ANO10: variants seen among roughly 807,000 people sequenced by gnomAD.
The protein encoded by ANO10 is anoctamin 10, also known as anoctamin-10.
In ANO10, 77 loss-of-function variants were observed where a neutral mutation model predicts 74.7. The ratio of observed to expected loss-of-function variants is 1.03; its 90% CI spans 0.86 to 1.25. The LOEUF (loss-of-function observed/expected upper bound fraction) is 1.25. Ranked by LOEUF, ANO10 falls within the 50% of genes most tolerant of loss-of-function variation. ANO10 has a pLI of 0.00. For synonymous variants in ANO10, 279 were observed against 284.9 expected (o/e 0.98, Z 0.21); for missense variants, 721 against 778.1 (o/e 0.93, Z 0.87).
chr3:43,377,973 T>C (rs1218116819), intron 12 of ANO10, among the ~76,000 whole-genome samples: 1 of 152,200 alleles, frequency 6.6e-6, no homozygotes, highest in Admixed American at 6.5e-5. Context: ...GGTAATCCAG[T>C]GTCCAGCCTC....
chr3:43,499,002 T>G (rs1461669648), intron 11 of ANO10, among the ~76,000 whole-genome samples: 2 of 152,114 alleles, frequency 1.3e-5, no homozygotes, highest in East Asian at 3.9e-4. Context: ...CCTGAGGTGG[T>G]GGTGAGTACT....
intron 12 of ANO10, among the ~76,000 whole-genome samples, chr3:43,382,308 A>C (rs574343747): frequency 1.3e-5 from 2 of 152,256 alleles, no homozygotes; most frequent in African/African-American, 4.8e-5. Flanking sequence ...TCACGAGGTC[A>C]GGAGATCGAG....
intron 12 of ANO10, among the ~76,000 whole-genome samples, chr3:43,376,346 G>A (rs1011921641): frequency 1.3e-5 from 2 of 152,188 alleles, no homozygotes; most frequent in Non-Finnish European, 2.9e-5. Flanking sequence ...AGTGGGCTGG[G>A]GGTGTCCTGG....
intron 12 of ANO10, among the ~76,000 whole-genome samples, chr3:43,390,927 T>C (rs1426931827): frequency 6.6e-6 from 1 of 152,236 alleles, no homozygotes; most frequent in African/African-American, 2.4e-5. Context: ...TTAGTAGGTC[T>C]GGGGAGGAGT....
chr3:43,371,221 T>C (rs1209854643), intron 12 of ANO10, among the ~76,000 whole-genome samples: 1 of 152,114 alleles, frequency 6.6e-6, no homozygotes, highest in East Asian at 1.9e-4. Context: ...AGCCCTTGGC[T>C]GAAGGATAGA....
intron 1 of ANO10, among the ~76,000 whole-genome samples, chr3:43,654,876 G>A (rs1310983300): frequency 6.6e-6 from 1 of 152,162 alleles, no homozygotes; most frequent in Non-Finnish European, 1.5e-5. Context: ...TGTACCTTAT[G>A]TTTATATGTT....
chr3:43,602,186 T>C (rs1403716774), intron 2 of ANO10, among the ~76,000 whole-genome samples: 1 of 152,168 alleles, frequency 6.6e-6, no homozygotes, highest in East Asian at 1.9e-4. Context: ...CCCTCCTCCT[T>C]CTTTCCACAA....
At chr3:43,537,508 G>C (rs549609426) in intron 11 of ANO10, among the ~76,000 whole-genome samples, 1 of 151,774 alleles carries the variant, frequency 6.6e-6, no homozygotes, top group Non-Finnish European at 1.5e-5. Flanking sequence ...TGACAGCTTG[G>C]GGGCAACCAT....
At chr3:43,651,609 C>A (rs1157432473) in intron 1 of ANO10, among the ~76,000 whole-genome samples, 1 of 152,166 alleles carries the variant, frequency 6.6e-6, no homozygotes, top group Admixed American at 6.5e-5. Flanking sequence ...TCCTTAAGAG[C>A]AGAATTTTTC....
chr3:43,605,638 T>C, intron 2 of ANO10, 76 bp downstream of exon 2: 12 of 1,521,682 alleles, frequency 7.9e-6, no homozygotes, highest in Non-Finnish European at 1.1e-5. Flanking sequence ...TTTTAGTGAC[T>C]GAGCATACAG....
At chr3:43,593,256 G>A (rs901133043) in intron 4 of ANO10, among the ~76,000 whole-genome samples, 1 of 152,120 alleles carries the variant, frequency 6.6e-6, no homozygotes, top group East Asian at 1.9e-4. Flanking sequence ...GAAATACAGA[G>A]AACGCCACAA....
chr3:43,674,889 G>A (rs1224436419), intron 1 of ANO10, among the ~76,000 whole-genome samples: 7 of 152,250 alleles, frequency 4.6e-5, no homozygotes, highest in South Asian at 2.1e-4. Flanking sequence ...TTGGTGAGAC[G>A]GCTTTCCATA....
chr3:43,378,297 T>G lies in ANO10; in HGVS notation c.1915-11323A>C, dbSNP rs2091867115. Reference sequence around the variant, plus strand: ...GCTCTGCACCCACTTTCTGCACACCTAGGAAGGTAAAGGAGGCACCCAGGC... The same window carrying G: ...GCTCTGCACCCACTTTCTGCACACCGAGGAAGGTAAAGGAGGCACCCAGGC... On this transcript the variant is annotated intron_variant, in intron 12 of 12. Transcript: ENST00000292246. Among the ~76,000 whole-genome samples, 3 of 152,060 alleles carry G rather than the reference T, an allele frequency of 2.0e-5. No individual in the cohort carries two copies. In the South Asian group the frequency reaches 6.2e-4, roughly 31 times the overall value.
chr3:43,572,246 C>T (rs1003490792), intron 7 of ANO10, among the ~76,000 whole-genome samples: 2 of 152,304 alleles, frequency 1.3e-5, no homozygotes, highest in African/African-American at 4.8e-5. Context: ...ACCCCCCCAC[C>T]AACAATAAGT....
intron 11 of ANO10, among the ~76,000 whole-genome samples, chr3:43,477,052 A>G (rs1443469716): frequency 6.6e-6 from 1 of 152,216 alleles, no homozygotes; most frequent in Non-Finnish European, 1.5e-5. Flanking sequence ...GAATATACAG[A>G]AAAGATCTTC....
Position 43,450,524 on chromosome 3 carries a change from A to G in ANO10, c.1798-17797T>C, listed in dbSNP as rs574933802. On this transcript the variant is annotated intron_variant, in intron 11 of 12. Coordinates refer to ENST00000292246, the MANE Select transcript of ANO10 (RefSeq NM_018075.5). ...CCATTGCACTCCAGCCTGGACAACA[A>G]GAGTGAAATTCCATCTCAAAAAAAG... Among the ~76,000 whole-genome samples the G allele has an allele frequency of 4.1e-4, 62 of 152,308 alleles. 1 individual carries two copies. Among genetic ancestry groups the G allele is most frequent in the Middle Eastern group, 3.4e-3 (1 of 294 alleles).
intron 1 of ANO10, among the ~76,000 whole-genome samples, chr3:43,656,342 C>T (rs1229169533): frequency 6.6e-6 from 1 of 152,252 alleles, no homozygotes; most frequent in Non-Finnish European, 1.5e-5. Context: ...CCCCACCAGA[C>T]TCAGGAGCCC....
chr3:43,386,738 C>A (rs1287068436), intron 12 of ANO10, among the ~76,000 whole-genome samples: 1 of 150,700 alleles, frequency 6.6e-6, no homozygotes, highest in East Asian at 2.0e-4. Flanking sequence ...GAGCAGGGGT[C>A]ATGCCTGGGC....
Position 43,681,158 on chromosome 3 carries a change from A to G in ANO10, c.-12+10359T>C, listed in dbSNP as rs2084192259. On this transcript the variant is annotated intron_variant, in intron 1 of 3. Transcript: ENST00000413397. Reference sequence around the variant, plus strand: ...CAAACTGGATAAAGACTCAAGACCCATCAGTGTATTATATTCGGGAAACCC... The same window carrying G: ...CAAACTGGATAAAGACTCAAGACCCGTCAGTGTATTATATTCGGGAAACCC... Among the ~76,000 whole-genome samples the G allele has an allele frequency of 3.3e-5, 5 of 152,288 alleles. No individual in the cohort carries two copies. In the South Asian group the frequency reaches 8.3e-4, roughly 25 times the overall value.
Sources: gnomAD v4.1 joint callset for allele counts (sites outside exome capture counted in the v4.1 genomes callset) on GRCh38, gnomAD v4.1.1 for gene constraint, MANE v1.5 for transcripts, NCBI Gene and HGNC (gene_info 2026-07-23, HGNC 2026-07-21) for gene names.